RPS6KA2: variants seen among roughly 807,000 people sequenced by gnomAD.
The protein encoded by RPS6KA2 is ribosomal protein S6 kinase A2.
In RPS6KA2, 42 loss-of-function variants were observed where a neutral mutation model predicts 91.8. The ratio of observed to expected loss-of-function variants is 0.46; its 90% CI spans 0.36 to 0.59. The LOEUF is 0.59. Among genes scored for constraint, RPS6KA2 ranks in the 20% least tolerant of loss-of-function variants. RPS6KA2 has a pLI of 0.00. For missense variants in RPS6KA2, 798 were observed against 978.5 expected, an observed-to-expected ratio of 0.82 and a Z score of 2.46; for synonymous variants, 414 against 393.6, an observed-to-expected ratio of 1.05 and a Z score of -0.61.
intron 14 of RPS6KA2, among the ~76,000 whole-genome samples, chr6:166,439,404 G>T (rs1445490735): frequency 1.3e-5 from 2 of 152,150 alleles, no homozygotes; most frequent in African/African-American, 2.4e-5. Flanking sequence ...CACCGTGCCC[G>T]GCCATATATT....
intron 2 of RPS6KA2, among the ~76,000 whole-genome samples, chr6:166,706,627 C>G (rs1428908673): frequency 6.6e-6 from 1 of 152,104 alleles, no homozygotes; most frequent in Non-Finnish European, 1.5e-5. Context: ...CCTGGAGACC[C>G]CAGACCCCCA....
intron 2 of RPS6KA2, among the ~76,000 whole-genome samples, chr6:166,739,765 A>G (rs1177782087): frequency 6.6e-6 from 1 of 152,198 alleles, no homozygotes; most frequent in Admixed American, 6.5e-5. Flanking sequence ...TGGATCTTCC[A>G]AAGTTCTGGA....
intron 2 of RPS6KA2, among the ~76,000 whole-genome samples, chr6:166,696,264 G>A (rs1257405483): frequency 1.3e-5 from 2 of 152,128 alleles, no homozygotes; most frequent in African/African-American, 4.8e-5. Context: ...TCTATCAGCT[G>A]GGTGCGGACT....
chr6:166,670,241 C>G (rs745750515), intron 2 of RPS6KA2, among the ~76,000 whole-genome samples: 16 of 152,360 alleles, frequency 1.1e-4, no homozygotes, highest in Non-Finnish European at 1.8e-4. Context: ...TTGCCCTTTT[C>G]GGCAGCCTGG....
At chr6:166,450,330 C>G (rs117266800) in intron 13 of RPS6KA2, among the ~76,000 whole-genome samples, 1 of 150,608 alleles carries the variant, frequency 6.6e-6, no homozygotes, top group Non-Finnish European at 1.5e-5. Context: ...GGGGGACCAC[C>G]ACAGGGACCA....
chr6:166,556,313 G>A (rs1277668473), intron 1 of RPS6KA2, among the ~76,000 whole-genome samples: 2 of 152,148 alleles, frequency 1.3e-5, no homozygotes, highest in African/African-American at 2.4e-5. Context: ...CTCCACAGGC[G>A]ACTGACTGTA....
chr6:166,659,220 C>T (rs574624743), intron 2 of RPS6KA2, among the ~76,000 whole-genome samples: 1 of 152,304 alleles, frequency 6.6e-6, no homozygotes, highest in South Asian at 2.1e-4. Context: ...TGCCATTTCC[C>T]AATTTCAGCC....
At chr6:166,524,739 G>A (rs935138820) in intron 3 of RPS6KA2, among the ~76,000 whole-genome samples, 3 of 152,332 alleles carry the variant, frequency 2.0e-5, no homozygotes, top group South Asian at 2.1e-4. Context: ...AGAGCCTCAC[G>A]TCGGCAATGA....
intron 2 of RPS6KA2, among the ~76,000 whole-genome samples, chr6:166,659,803 G>A (rs1287431098): frequency 1.3e-5 from 2 of 152,382 alleles, no homozygotes; most frequent in Non-Finnish European, 1.5e-5. Flanking sequence ...CGGGATGGGG[G>A]ACCAGCGAAC....
chr6:166,429,474 A>G (rs1451205563), intron 16 of RPS6KA2, among the ~76,000 whole-genome samples: 1 of 152,184 alleles, frequency 6.6e-6, no homozygotes, highest in African/African-American at 2.4e-5. Context: ...AATTTGAGAC[A>G]GAGTTTTGCT....
At chr6:166,530,850 C>T (rs975061296) in intron 3 of RPS6KA2, among the ~76,000 whole-genome samples, 3 of 152,254 alleles carry the variant, frequency 2.0e-5, no homozygotes, top group Non-Finnish European at 4.4e-5. Flanking sequence ...CCAACCCAAC[C>T]ATGAGTCACG....
intron 12 of RPS6KA2, among the ~76,000 whole-genome samples, chr6:166,455,441 C>G (rs904475194): frequency 3.3e-5 from 5 of 152,094 alleles, no homozygotes; most frequent in African/African-American, 1.2e-4. Flanking sequence ...TGTCCTGAAC[C>G]AAGAGGCAGC....
At chr6:166,472,152 A>G (rs1375194948) in intron 10 of RPS6KA2, among the ~76,000 whole-genome samples, 1 of 152,218 alleles carries the variant, frequency 6.6e-6, no homozygotes, top group Non-Finnish European at 1.5e-5. Context: ...TGTTGGACGC[A>G]TGGCCAGAGG....
In RPS6KA2 at chr6:166,409,459, C is replaced by CAGT. The variant is rs1778229616; in HGVS notation, c.*3300_*3302dup. 1.3e-5 allele frequency: 2 copies of CAGT among 152,398 alleles called. No homozygotes were observed. The highest frequency in any genetic ancestry group is 2.9e-5 in the Non-Finnish European group (2 of 68,042). The allele number at this position is 152,398 out of a possible 1,614,324, so 9.4% of individuals were successfully genotyped here. On this transcript the variant is annotated 3_prime_UTR_variant, in exon 21 of 21. Transcript: ENST00000265678. Reference sequence around the variant, plus strand: ...CTGGAAAGCGTAATAAATATCTGTACAGTGGCCACCCATCTCAAACATGAA... The same window carrying CAGT: ...CTGGAAAGCGTAATAAATATCTGTACAGTAGTGGCCACCCATCTCAAACATGAA...
intron 17 of RPS6KA2, among the ~76,000 whole-genome samples, chr6:166,422,898 G>C (rs1487461479): frequency 6.6e-6 from 1 of 152,144 alleles, no homozygotes; most frequent in African/African-American, 2.4e-5. Flanking sequence ...TCCCATCCCA[G>C]GTGAACCGCA....
At chr6:166,485,489 T>C (rs2128471706) in intron 10 of RPS6KA2, among the ~76,000 whole-genome samples, 1 of 152,226 alleles carries the variant, frequency 6.6e-6, no homozygotes, top group Non-Finnish European at 1.5e-5. Context: ...AAGGATTACA[T>C]CCACATTGCT....
rs1583326135 is a variant in RPS6KA2 at position 166,612,557 on chromosome 6, G to A, written c.99+14364C>T. Among the ~76,000 whole-genome samples, 2 of 152,284 alleles carry A rather than the reference G, an allele frequency of 1.3e-5. No homozygotes were observed. Among genetic ancestry groups the A allele is most frequent in the Middle Eastern group, 6.8e-3 (2 of 294 alleles). Reference sequence around the variant, plus strand: ...GAGGAAAGGAGAAATGATGAGCTCTGAGCTGGGGCCTTGCTGCCCGACTGC... The same window carrying A: ...GAGGAAAGGAGAAATGATGAGCTCTAAGCTGGGGCCTTGCTGCCCGACTGC... On this transcript the variant is annotated intron_variant, in intron 1 of 20. Coordinates refer to ENST00000265678, the MANE Select transcript of RPS6KA2 (RefSeq NM_021135.6). This position sits in a 1 kb window ranked among gnomAD's most constrained non-coding sequence, Gnocchi z 4.3.
rs1254314623 is a variant in RPS6KA2, at chr6:166,852,243, G to A, written c.123+5957C>T. On this transcript the variant is annotated intron_variant, in intron 2 of 21. Coordinates refer to the RPS6KA2 transcript ENST00000503859. The surrounding 1 kb of genome is among the most constrained non-coding windows in gnomAD (Gnocchi z 4.1). ...TTATGTAACACCAGCTTTCAGAGAC[G>A]CCACAGAGACAGATTCACAGGAGGT... Among the ~76,000 whole-genome samples the A allele has an allele frequency of 2.0e-5, 3 of 152,162 alleles. No individual in the cohort carries two copies. Among genetic ancestry groups the A allele is most frequent in the African/African-American group, 2.4e-5 (1 of 41,432 alleles).
At chr6:166,638,086 G>A (rs1026976961) in intron 2 of RPS6KA2, among the ~76,000 whole-genome samples, 2 of 152,274 alleles carry the variant, frequency 1.3e-5, no homozygotes, top group Non-Finnish European at 2.9e-5. Flanking sequence ...CACCAACTCC[G>A]GCTGACAATT....
Sources: gnomAD v4.1 joint callset for allele counts (sites outside exome capture counted in the v4.1 genomes callset) on GRCh38, gnomAD v4.1.1 for gene constraint, Gnocchi (gnomAD v3.1) non-coding constraint, MANE v1.5 for transcripts, NCBI Gene and HGNC (gene_info 2026-07-23, HGNC 2026-07-21) for gene names.